Variants in SGCD observed in about 807,000 individuals in gnomAD.
The protein encoded by SGCD is delta-sarcoglycan.
Under a neutral mutation model 36.6 loss-of-function variants are expected in SGCD, and 18 were observed. The ratio of observed to expected loss-of-function variants is 0.49; its 90% CI spans 0.34 to 0.73. The LOEUF is 0.73. SGCD is among the 30% of genes least tolerant of loss of function. SGCD has a pLI of 0.01. For missense variants in SGCD, 387 were observed against 346.7 expected (o/e 1.12, Z -0.92); for synonymous variants, 133 against 130.6 (o/e 1.02, Z -0.12).
At chr5:156,014,668 C>T (rs1407789611) in intron 1 of SGCD, among the ~76,000 whole-genome samples, 1 of 152,094 alleles carries the variant, frequency 6.6e-6, no homozygotes, top group Non-Finnish European at 1.5e-5. Flanking sequence ...TTCCAGTTTG[C>T]TCAATATTGT....
intron 2 of SGCD, among the ~76,000 whole-genome samples, chr5:156,119,865 A>G (rs1393572597): frequency 1.1e-4 from 16 of 152,142 alleles, no homozygotes; most frequent in Non-Finnish European, 2.2e-4. Context: ...CTCTGCCATC[A>G]GAGCAACCAC....
chr5:155,932,869 C>T (rs1191066648), intron 1 of SGCD, among the ~76,000 whole-genome samples: 1 of 151,950 alleles, frequency 6.6e-6, no homozygotes, highest in East Asian at 1.9e-4. Context: ...TTAAGGTGAC[C>T]ACCGTGAAAA....
At chr5:156,522,235 C>G (rs1190661232) in intron 4 of SGCD, among the ~76,000 whole-genome samples, 3 of 151,916 alleles carry the variant, frequency 2.0e-5, no homozygotes, top group Non-Finnish European at 4.4e-5. Context: ...GGAGAAATAC[C>G]TAAAGTCAGT....
intron 1 of SGCD, among the ~76,000 whole-genome samples, chr5:156,044,268 C>G (rs1306283510): frequency 6.6e-6 from 1 of 152,156 alleles, no homozygotes; most frequent in African/African-American, 2.4e-5. Context: ...AGATGCTCAA[C>G]AAAGGCTGTT....
At chr5:156,642,856 C>G (rs534011298) in intron 6 of SGCD, among the ~76,000 whole-genome samples, 2 of 152,136 alleles carry the variant, frequency 1.3e-5, no homozygotes, top group South Asian at 4.1e-4. Context: ...TACTTCAGTT[C>G]TAATTATTTT....
intron 4 of SGCD, among the ~76,000 whole-genome samples, chr5:156,553,305 C>A (rs570857729): frequency 6.6e-6 from 1 of 152,290 alleles, no homozygotes; most frequent in East Asian, 1.9e-4. Flanking sequence ...ACATTCAAAC[C>A]ATAGCAGGTA....
In SGCD at chr5:155,882,842, T is replaced by C. The variant is rs144844473; in HGVS notation, c.-282+12418T>C. On this transcript the variant is annotated intron_variant, in intron 1 of 9. Transcript: ENST00000517913. ...GTGGCATTAGCTCCTAACAAGGGAG[T>C]CAGCCTGCCCTTTGAAGCTTTAAAG... Among the ~76,000 whole-genome samples the C allele has an allele frequency of 1.1e-4, 17 of 152,126 alleles. No individual in the cohort carries two copies. In the East Asian group the frequency reaches 2.1e-3, roughly 19 times the overall value.
chr5:156,703,266 C>T (rs763423882), intron 7 of SGCD, among the ~76,000 whole-genome samples: 1 of 152,128 alleles, frequency 6.6e-6, no homozygotes, highest in Non-Finnish European at 1.5e-5. Flanking sequence ...GAAAAACATA[C>T]TTTTAAATAC....
At chr5:156,246,570 A>G (rs1255186905) in intron 3 of SGCD, among the ~76,000 whole-genome samples, 7 of 152,296 alleles carry the variant, frequency 4.6e-5, no homozygotes, top group Admixed American at 4.6e-4. Flanking sequence ...TATTCACACT[A>G]TTTGAAGGCA....
intron 6 of SGCD, among the ~76,000 whole-genome samples, chr5:156,600,597 C>T (rs575863223): frequency 6.6e-6 from 1 of 152,154 alleles, no homozygotes; most frequent in Admixed American, 6.5e-5. Context: ...TAGGTTGATT[C>T]CAAGTCTTGG....
intron 3 of SGCD, among the ~76,000 whole-genome samples, chr5:156,193,853 C>T (rs1211816906): frequency 6.6e-6 from 1 of 152,138 alleles, no homozygotes; most frequent in East Asian, 1.9e-4. Context: ...GAAATGAGTT[C>T]AGAGGTTGAT....
the SGCD span, among the ~76,000 whole-genome samples, chr5:155,849,283 T>C: frequency 6.6e-6 from 1 of 152,134 alleles, no homozygotes; most frequent in Non-Finnish European, 1.5e-5. Context: ...CCTATAACTA[T>C]TTAAGTTCAC....
At chr5:155,882,499 TC>T in intron 1 of SGCD, among the ~76,000 whole-genome samples, 1 of 152,352 alleles carries the variant, frequency 6.6e-6, no homozygotes, top group East Asian at 1.9e-4. Flanking sequence ...CAAATATATT[TC>T]TTATGAAACT....
At chr5:155,858,538 T>C in the SGCD span, among the ~76,000 whole-genome samples, 1 of 152,246 alleles carries the variant, frequency 6.6e-6, no homozygotes, top group East Asian at 1.9e-4. Context: ...CTCATCTTTA[T>C]TGAGTCTTTA....
At chr5:156,519,231 A>G (rs567060285) in intron 4 of SGCD, among the ~76,000 whole-genome samples, 3 of 152,286 alleles carry the variant, frequency 2.0e-5, no homozygotes, top group Admixed American at 2.0e-4. Flanking sequence ...CAGAAAATCT[A>G]AAAGAAATTG....
At chr5:156,119,440 T>C (rs1761980867) in intron 2 of SGCD, among the ~76,000 whole-genome samples, 1 of 152,074 alleles carries the variant, frequency 6.6e-6, no homozygotes, top group African/African-American at 2.4e-5. Flanking sequence ...GTAATACACA[T>C]ATTGGGAAGC....
intron 3 of SGCD, chr5:156,458,443 C>G (rs1056520985): frequency 1.9e-6 from 3 of 1,610,574 alleles, no homozygotes; most frequent in Non-Finnish European, 2.5e-6. Context: ...GGGTCAAACC[C>G]TGATTCCCAT....
Position 155,981,307 on chromosome 5 carries a change from T to C in SGCD, c.-282+110883T>C, listed in dbSNP as rs528784051. On this transcript the variant is annotated intron_variant, in intron 1 of 9. Transcript: ENST00000517913. ...GGGGCCATGGAATTAGGTCCAGATG[T>C]GTCTGCTGGTGGACCTGAGCTCAAA... 8.5e-5 allele frequency among the ~76,000 whole-genome samples: 13 copies of C among 152,254 alleles called. No individual in the cohort carries two copies. The South Asian group carries it at 2.7e-3, about 32-fold the overall frequency.
intron 4 of SGCD, among the ~76,000 whole-genome samples, chr5:156,572,331 T>C (rs965227083): frequency 6.6e-6 from 1 of 152,182 alleles, no homozygotes; most frequent in Admixed American, 6.5e-5. Flanking sequence ...CAAGCTGTTT[T>C]TCATAGCAGT....
Sources: allele counts gnomAD v4.1 joint callset (sites outside exome capture counted in the v4.1 genomes callset), GRCh38; gene constraint gnomAD v4.1.1; transcripts MANE v1.5; gene names NCBI Gene and HGNC (gene_info 2026-07-23, HGNC 2026-07-21).